Variants in DLG2 observed in about 807,000 individuals in gnomAD.
The protein encoded by DLG2 is discs large MAGUK scaffold protein 2.
DLG2 carries 45 observed loss-of-function variants against 132.5 expected under a neutral mutation model. The observed-to-expected ratio is 0.34, with a 90% CI of 0.27 to 0.44. The LOEUF (loss-of-function observed/expected upper bound fraction) is 0.44, where lower values mean the gene tolerates loss of function less well. Among genes scored for constraint, DLG2 ranks in the 20% least tolerant of loss-of-function variants. DLG2 has a pLI of 1.00. For synonymous variants in DLG2, 424 were observed against 419.6 expected, an observed-to-expected ratio of 1.01 and a Z score of -0.13; for missense variants, 1,045 against 1,196.9, an observed-to-expected ratio of 0.87 and a Z score of 1.87.
intron 19 of DLG2, among the ~76,000 whole-genome samples, chr11:83,576,121 C>T (rs550222095): frequency 6.6e-6 from 1 of 152,106 alleles, no homozygotes; most frequent in African/African-American, 2.4e-5. Context: ...GAAAAATATG[C>T]TGAATAGAAT....
At chr11:84,455,162 T>A (rs183584187) in intron 7 of DLG2, among the ~76,000 whole-genome samples, 11 of 151,582 alleles carry the variant, frequency 7.3e-5, no homozygotes, top group Non-Finnish European at 1.6e-4. Context: ...TCAGCCTAAC[T>A]TCTGTTCTTC....
At chr11:83,533,688 A>G (rs2095814211) in intron 20 of DLG2, among the ~76,000 whole-genome samples, 1 of 152,210 alleles carries the variant, frequency 6.6e-6, no homozygotes, top group Admixed American at 6.5e-5. Context: ...GTGAGCTACA[A>G]GATTGCAGAA....
At chr11:84,809,988 A>C (rs2076392031) in intron 6 of DLG2, among the ~76,000 whole-genome samples, 3 of 152,054 alleles carry the variant, frequency 2.0e-5, no homozygotes. Flanking sequence ...TCAACAAATA[A>C]TGCTGGAGCA....
rs554494299 is a variant in DLG2, at chr11:85,423,973, A to G, written c.41-138608T>C. Among the ~76,000 whole-genome samples the G allele has an allele frequency of 3.5e-4, 54 of 152,238 alleles. 1 individual carries two copies. The highest frequency in any genetic ancestry group is 1.2e-3 in the Admixed American group (18 of 15,298). ...CTTCTTGATCAGTTCAAATTGTTACAAAGTTCAGCTAGAGATTTCCCCCAT... is the reference window on the plus strand; with the variant it reads ...CTTCTTGATCAGTTCAAATTGTTACGAAGTTCAGCTAGAGATTTCCCCCAT... On this transcript the variant is annotated intron_variant, in intron 3 of 27. Transcript: ENST00000376104.
At chr11:84,960,759 C>G (rs186158037) in intron 6 of DLG2, among the ~76,000 whole-genome samples, 101 of 152,192 alleles carry the variant, frequency 6.6e-4, no homozygotes, top group African/African-American at 2.4e-3. Context: ...TTTCTTTTCA[C>G]TCCGAGAAAA....
chr11:83,953,398 G>C (rs942868299), intron 14 of DLG2, among the ~76,000 whole-genome samples: 5 of 152,148 alleles, frequency 3.3e-5, no homozygotes, highest in African/African-American at 1.2e-4. Context: ...ACCCTACTGT[G>C]AACTGCACAT....
At chr11:84,708,536 AT>A (rs199563113) in intron 6 of DLG2, among the ~76,000 whole-genome samples, 93 of 149,482 alleles carry the variant, frequency 6.2e-4, no homozygotes, top group Middle Eastern at 3.4e-3. Context: ...CTACAGCCAC[AT>A]TTTTTTTTTC....
At chr11:83,843,853 G>T (rs752886780) in intron 16 of DLG2, among the ~76,000 whole-genome samples, 11 of 152,096 alleles carry the variant, frequency 7.2e-5, no homozygotes, top group Admixed American at 4.6e-4. Flanking sequence ...CAGTAATTTG[G>T]CATATTAGAT....
chr11:84,652,634 T>C (rs751680500), intron 6 of DLG2, among the ~76,000 whole-genome samples: 1 of 152,176 alleles, frequency 6.6e-6, no homozygotes, highest in African/African-American at 2.4e-5. Context: ...CATTAGCATA[T>C]AAAAATAGAC....
intron 7 of DLG2, among the ~76,000 whole-genome samples, chr11:84,443,403 A>G (rs769185443): frequency 6.6e-6 from 1 of 152,186 alleles, no homozygotes; most frequent in Non-Finnish European, 1.5e-5. Flanking sequence ...TTAAGTACAT[A>G]CAAGTTTCTT....
Position 84,302,956 on chromosome 11 carries a change from G to GACACAC in DLG2, c.520-51671_520-51666dup, listed in dbSNP as rs762462278. 2.7e-5 allele frequency among the ~76,000 whole-genome samples: 4 copies of GACACAC among 150,434 alleles called. No individual in the cohort carries two copies. The South Asian group carries it at 6.3e-4, about 24-fold the overall frequency. Reference sequence around the variant, plus strand: ...ACAAAAAAAAATACACACACAGACAGACACACACACACACACTAGCCTGCC... The same window carrying GACACAC: ...ACAAAAAAAAATACACACACAGACAGACACACACACACACACACACACTAGCCTGCC... On this transcript the variant is annotated intron_variant, in intron 7 of 27. Transcript: ENST00000376104.
chr11:84,745,228 C>A (rs2065210618), intron 6 of DLG2, among the ~76,000 whole-genome samples: 2 of 152,086 alleles, frequency 1.3e-5, no homozygotes, highest in Non-Finnish European at 2.9e-5. Context: ...AAATTGTAAT[C>A]CCAAATGTTG....
intron 7 of DLG2, among the ~76,000 whole-genome samples, chr11:84,425,415 T>C (rs1313003778): frequency 6.6e-6 from 1 of 152,156 alleles, no homozygotes; most frequent in Non-Finnish European, 1.5e-5. Flanking sequence ...GCATTATTCA[T>C]CATACTACAT....
intron 11 of DLG2, among the ~76,000 whole-genome samples, chr11:84,028,516 T>G (rs2095603630): frequency 6.6e-6 from 1 of 152,124 alleles, no homozygotes; most frequent in African/African-American, 2.4e-5. Context: ...AGGCTTATTT[T>G]TTCACAACCT....
intron 20 of DLG2, among the ~76,000 whole-genome samples, chr11:83,537,835 AGAGAG>A (rs367902667): frequency 7.4e-4 from 59 of 80,102 alleles, no homozygotes; most frequent in African/African-American, 2.3e-3. Context: ...AAAAAAAAAA[AGAGAG>A]AGAGAGATAC....
At chr11:83,954,157 T>C (rs1343461487) in intron 14 of DLG2, among the ~76,000 whole-genome samples, 1 of 152,234 alleles carries the variant, frequency 6.6e-6, no homozygotes, top group African/African-American at 2.4e-5. Context: ...CTCATTAGTG[T>C]TGCATTTTTG....
intron 6 of DLG2, among the ~76,000 whole-genome samples, chr11:84,767,337 TCAGA>T (rs1262915838): frequency 2.0e-5 from 3 of 152,028 alleles, no homozygotes; most frequent in Non-Finnish European, 4.4e-5. Flanking sequence ...GGCTTGAGGA[TCAGA>T]CAGACGCAGA....
chr11:84,670,220 A>T (rs12797414), intron 6 of DLG2, among the ~76,000 whole-genome samples: 7 of 151,924 alleles, frequency 4.6e-5, no homozygotes, highest in African/African-American at 1.7e-4. Context: ...TTCACCACTC[A>T]CTGTATTTCT....
At chr11:83,530,830 A>G (rs750358108) in intron 21 of DLG2, among the ~76,000 whole-genome samples, 1 of 151,886 alleles carries the variant, frequency 6.6e-6, no homozygotes, top group Non-Finnish European at 1.5e-5. Context: ...TATATAGAAA[A>G]CTCTGAGGAA....
Sources: allele counts gnomAD v4.1 joint callset (sites outside exome capture counted in the v4.1 genomes callset), GRCh38; gene constraint gnomAD v4.1.1; transcripts MANE v1.5; gene names NCBI Gene and HGNC (gene_info 2026-07-23, HGNC 2026-07-21).